JAZF1: variants seen among roughly 807,000 people sequenced by gnomAD.
The protein encoded by JAZF1 is juxtaposed with another zinc finger protein 1.
In JAZF1, 8 loss-of-function variants were observed where a neutral mutation model predicts 26.4. The observed-to-expected ratio is 0.30, with a 90% CI of 0.18 to 0.55. The LOEUF (loss-of-function observed/expected upper bound fraction) is 0.55, where lower values mean the gene tolerates loss of function less well. Ranked by LOEUF, JAZF1 falls within the 20% of genes least tolerant of loss-of-function variation. The pLI, the probability that JAZF1 is intolerant of heterozygous loss-of-function variation, is 0.94. For missense variants in JAZF1, 199 were observed against 322.0 expected, an observed-to-expected ratio of 0.62 and a Z score of 2.92; for synonymous variants, 126 against 122.3, an observed-to-expected ratio of 1.03 and a Z score of -0.20.
chr7:28,086,183 T>C (rs1049850502), intron 1 of JAZF1, among the ~76,000 whole-genome samples: 1 of 152,262 alleles, frequency 6.6e-6, no homozygotes, highest in Non-Finnish European at 1.5e-5. Flanking sequence ...CCAATAATTC[T>C]GTTTTACAAG....
chr7:28,014,858 GT>G (rs1782858322), intron 1 of JAZF1, among the ~76,000 whole-genome samples: 1 of 152,174 alleles, frequency 6.6e-6, no homozygotes, highest in African/African-American at 2.4e-5. Context: ...AACACAGTCT[GT>G]TATTGGGAAG....
intron 1 of JAZF1, among the ~76,000 whole-genome samples, chr7:28,066,980 G>A (rs1783893978): frequency 6.6e-6 from 1 of 152,124 alleles, no homozygotes; most frequent in Non-Finnish European, 1.5e-5. Flanking sequence ...TTGGCACAGG[G>A]CTGGTCCCCA....
chr7:28,077,076 C>T (rs1458543757), intron 1 of JAZF1, among the ~76,000 whole-genome samples: 1 of 152,164 alleles, frequency 6.6e-6, no homozygotes, highest in Non-Finnish European at 1.5e-5. Flanking sequence ...TGTATTCTTT[C>T]ACTAAACACA....
At chr7:28,019,300 C>T (rs1352527298) in intron 1 of JAZF1, among the ~76,000 whole-genome samples, 1 of 152,146 alleles carries the variant, frequency 6.6e-6, no homozygotes, top group East Asian at 1.9e-4. Context: ...GACCAGACCA[C>T]CTAAAGAGAG....
rs145262747 is a variant in JAZF1 at position 28,089,041 on chromosome 7, T to C, written c.115+91422A>G. ...AATGCTCCCAAGACATAATCTCCCA[T>C]TTGGATACACTTGGTCATCACAGTG... On this transcript the variant is annotated intron_variant, in intron 1 of 4. Transcript: ENST00000283928. Among the ~76,000 whole-genome samples, 1,320 of 152,316 alleles carry C rather than the reference T, an allele frequency of 8.7e-3. 16 individuals carry two copies. The highest frequency in any genetic ancestry group is 0.03 in the African/African-American group (1,250 of 41,572).
At chr7:28,050,792 C>T (rs1278719684) in intron 1 of JAZF1, among the ~76,000 whole-genome samples, 5 of 152,084 alleles carry the variant, frequency 3.3e-5, no homozygotes, top group Non-Finnish European at 7.4e-5. Flanking sequence ...TTTACATATG[C>T]TTTCTTTTGT....
intron 3 of JAZF1, among the ~76,000 whole-genome samples, chr7:27,890,784 C>CTTTT (rs70977008): frequency 9.8e-5 from 9 of 92,008 alleles, no homozygotes; most frequent in East Asian, 3.0e-4. Context: ...GATGTTACTA[C>CTTTT]TTTTTTTTTT....
chr7:27,999,076 G>A (rs1386262736), intron 1 of JAZF1, among the ~76,000 whole-genome samples: 1 of 152,164 alleles, frequency 6.6e-6, no homozygotes, highest in Non-Finnish European at 1.5e-5. Flanking sequence ...CTTGTTACTT[G>A]TGAGAAAAGA....
chr7:27,836,070 G>A (rs1053305892), intron 4 of JAZF1, among the ~76,000 whole-genome samples: 4 of 152,172 alleles, frequency 2.6e-5, no homozygotes, highest in South Asian at 2.1e-4. Context: ...TACAGAACTG[G>A]AATAGGAACC....
chr7:28,086,458 G>A (rs6963763), intron 1 of JAZF1, among the ~76,000 whole-genome samples: 35,770 of 152,034 alleles, frequency 0.24, 8,672 homozygotes, highest in African/African-American at 0.62. Flanking sequence ...TGCTCCTTAG[G>A]AGCTGATGAT....
chr7:28,173,494 T>C (rs1048855956), intron 1 of JAZF1, among the ~76,000 whole-genome samples: 1 of 152,212 alleles, frequency 6.6e-6, no homozygotes, highest in Non-Finnish European at 1.5e-5. Context: ...ATATATGTGT[T>C]AGATATCCTA....
chr7:28,071,470 C>T (rs1396689395), intron 1 of JAZF1: 2 of 369,576 alleles, frequency 5.4e-6, no homozygotes, highest in African/African-American at 4.3e-5. Context: ...TATAATTCAA[C>T]TCTCATTTCT....
chr7:27,962,174 A>G (rs946197516), intron 2 of JAZF1, among the ~76,000 whole-genome samples: 1 of 152,242 alleles, frequency 6.6e-6, no homozygotes, highest in African/African-American at 2.4e-5. Context: ...CACTTAATTT[A>G]TTGAATATTT....
chr7:27,964,020 A>G (rs138579027), intron 2 of JAZF1, among the ~76,000 whole-genome samples: 58 of 152,322 alleles, frequency 3.8e-4, no homozygotes, highest in African/African-American at 1.3e-3. Flanking sequence ...AGTGATGGCA[A>G]TTGTGAATTT....
chr7:28,005,633 C>T (rs767487672), intron 1 of JAZF1, among the ~76,000 whole-genome samples: 4 of 152,136 alleles, frequency 2.6e-5, no homozygotes, highest in Non-Finnish European at 5.9e-5. Context: ...GGTTCGTGGG[C>T]CACAGAGGTT....
chr7:27,997,259 TA>T (rs1786035923), intron 1 of JAZF1, among the ~76,000 whole-genome samples: 1 of 151,980 alleles, frequency 6.6e-6, no homozygotes, highest in South Asian at 2.1e-4. Flanking sequence ...GGGGGTTGTT[TA>T]AAAGGTTGAT....
At chr7:27,932,701 C>G (rs1784703712) in intron 2 of JAZF1, among the ~76,000 whole-genome samples, 2 of 152,186 alleles carry the variant, frequency 1.3e-5, no homozygotes, top group Admixed American at 1.3e-4. Context: ...CAAAGTCTTT[C>G]AAGATGTGAA....
intron 1 of JAZF1, among the ~76,000 whole-genome samples, chr7:28,023,899 A>G (rs1302107855): frequency 6.6e-6 from 1 of 152,240 alleles, no homozygotes; most frequent in Non-Finnish European, 1.5e-5. Context: ...AAAACACTAT[A>G]TTAACCTACA....
At position 27,832,480 on chromosome 7, in the gene JAZF1, C is replaced by A; in HGVS notation, c.*320G>T. ...CCCTCCTCCCCCCAGGTTGATACCACCGCAATACAATTCAACAATATGCAA... is the reference window on the plus strand; with the variant it reads ...CCCTCCTCCCCCCAGGTTGATACCAACGCAATACAATTCAACAATATGCAA... On this transcript the variant is annotated 3_prime_UTR_variant, in exon 5 of 5. Transcript: ENST00000283928. 1 of 241,768 alleles carries A rather than the reference C, an allele frequency of 4.1e-6. No homozygotes were observed. The highest frequency in any genetic ancestry group is 8.1e-6 in the Non-Finnish European group (1 of 123,446). The allele number at this position is 241,768 out of a possible 1,614,324, so 15.0% of individuals were successfully genotyped here.
Sources: allele counts gnomAD v4.1 joint callset (sites outside exome capture counted in the v4.1 genomes callset), GRCh38; gene constraint gnomAD v4.1.1; transcripts MANE v1.5; gene names NCBI Gene and HGNC (gene_info 2026-07-23, HGNC 2026-07-21).